Variants in MGAM2 observed in about 807,000 individuals in gnomAD.
MGAM2 encodes the protein probable maltase-glucoamylase 2.
In MGAM2, 98 loss-of-function variants were observed where a neutral mutation model predicts 96.1. The observed-to-expected ratio is 1.02, with a 90% CI of 0.87 to 1.21. The LOEUF is 1.21. MGAM2 is among the 50% of genes most tolerant of loss of function. MGAM2 has a pLI of 0.00. For missense variants in MGAM2, 2,055 were observed against 1,182.4 expected (o/e 1.74, Z -10.82); for synonymous variants, 749 against 414.8 (o/e 1.81, Z -9.79).
In MGAM2 at chr7:142,172,235, C is replaced by T. The variant is rs144010126; in HGVS notation, c.3448+41C>T. On this transcript the variant is annotated intron_variant, in intron 29 of 47. Coordinates refer to ENST00000477922, the MANE Select transcript of MGAM2 (RefSeq NM_001293626.2). ...AGCTCCCATGCACCACCAGAAACAG[C>T]TGTGACCGCTCTATTTTGACCTGGT... The T allele has an allele frequency of 2.5e-4, 170 of 684,754 alleles. 2 individuals are homozygous for T. The East Asian group carries it at 4.0e-3, about 16-fold the overall frequency. The allele number at this position is 684,754 out of a possible 1,614,324, so 42.4% of individuals were successfully genotyped here.
At chr7:142,199,284 G>A (rs1422891658) in intron 44 of MGAM2, among the ~76,000 whole-genome samples, 1 of 152,216 alleles carries the variant, frequency 6.6e-6, no homozygotes, top group Non-Finnish European at 1.5e-5. Flanking sequence ...CAAGTCAAAA[G>A]GAGAGAAGTT....
chr7:142,169,169 A>G (rs6972508), intron 26 of MGAM2, among the ~76,000 whole-genome samples: 84,865 of 151,998 alleles, frequency 0.56, 25,615 homozygotes, highest in African/African-American at 0.79. Flanking sequence ...GGTGGCTCAC[A>G]CCTGTAATCC....
In MGAM2 at chr7:142,148,461, C is replaced by T. The variant is rs1795456879; in HGVS notation, c.1634+888C>T. Among the ~76,000 whole-genome samples the T allele has an allele frequency of 6.6e-6, 1 of 152,218 alleles. No individual in the cohort carries two copies. ...ACCATCACCTTTACTGCTGTTGCCA[C>T]CACCACCCATTATGAAAGTCTACCA... is the stretch of plus-strand genomic sequence containing the variant. On this transcript the variant is annotated intron_variant, in intron 15 of 47. Coordinates refer to ENST00000477922, the MANE Select transcript of MGAM2 (RefSeq NM_001293626.2). The surrounding 1 kb of genome is among the most constrained non-coding windows in gnomAD (Gnocchi z 4.2).
intron 4 of MGAM2, 34 bp downstream of exon 4, chr7:142,131,105 A>T (rs1413802745): frequency 5.7e-6 from 4 of 696,906 alleles, no homozygotes; most frequent in Non-Finnish European, 7.9e-6. Context: ...CCTGGGAACA[A>T]CTCCTTATGG....
intron 17 of MGAM2, among the ~76,000 whole-genome samples, chr7:142,155,673 C>G (rs1795713365): frequency 6.6e-6 from 1 of 152,154 alleles, no homozygotes; most frequent in Non-Finnish European, 1.5e-5. Flanking sequence ...ATGTCTTAAG[C>G]AGGTGGCTGG....
Position 142,218,504 on chromosome 7 carries a change from A to T in MGAM2, c.5331A>T (p.Thr1777=). ...FTYDNRQFME[T]NFKSEPYNQI... Reference sequence around the variant, plus strand: ...ATGACAACCGGCAATTTATGGAGACAAATTTCAAGAGTGAACCTTATAATC... The same window carrying T: ...ATGACAACCGGCAATTTATGGAGACTAATTTCAAGAGTGAACCTTATAATC... The change falls in exon 47 of 48, where the codon ACA becomes ACT. Residue 1777 remains threonine (T), a synonymous_variant. Coordinates refer to ENST00000477922, the MANE Select transcript of MGAM2 (RefSeq NM_001293626.2). 1.4e-6 allele frequency: 1 copy of T among 700,734 alleles called. No homozygotes were observed. The highest frequency in any genetic ancestry group is 2.6e-6 in the Non-Finnish European group (1 of 384,106). The allele number at this position is 700,734 out of a possible 1,614,324, so 43.4% of individuals were successfully genotyped here.
intron 42 of MGAM2, 74 bp downstream of exon 42, chr7:142,197,802 C>G: frequency 1.4e-6 from 1 of 699,250 alleles, no homozygotes; most frequent in East Asian, 2.7e-5. Context: ...TTTTAAAGAT[C>G]ATCTTATTTT....
chr7:142,146,142 G>GTTTTTTTTTTTT (rs71166565), intron 14 of MGAM2, among the ~76,000 whole-genome samples: 15 of 108,962 alleles, frequency 1.4e-4, no homozygotes, highest in South Asian at 3.2e-4. Flanking sequence ...AGTTTATCAT[G>GTTTTTTTTTTTT]TTTTTTTTTT....
chr7:142,160,610 T>C (rs904288313), intron 21 of MGAM2, among the ~76,000 whole-genome samples: 1 of 151,614 alleles, frequency 6.6e-6, no homozygotes, highest in African/African-American at 2.4e-5. Context: ...GGTTATCACG[T>C]GGAAGCCAAC....
chr7:142,166,346 G>C, intron 25 of MGAM2, 93 bp downstream of exon 25: 1 of 582,180 alleles, frequency 1.7e-6, no homozygotes, highest in East Asian at 2.9e-5. Context: ...AAGAAAACCA[G>C]GACCCTGTGC....
At chr7:142,115,701 A>G (rs956818428) in intron 1 of MGAM2, among the ~76,000 whole-genome samples, 57 of 152,058 alleles carry the variant, frequency 3.7e-4, no homozygotes, top group African/African-American at 1.3e-3. Flanking sequence ...CAAAATTAGC[A>G]GGGCATGGTG....
At chr7:142,136,316 A>T (rs557251915) in intron 7 of MGAM2, among the ~76,000 whole-genome samples, 1 of 152,262 alleles carries the variant, frequency 6.6e-6, no homozygotes, top group East Asian at 1.9e-4. Context: ...AGTGTGTATG[A>T]TTATTTTACT....
chr7:142,209,791 G>C lies in MGAM2; in HGVS notation c.5187+1169G>C, dbSNP rs1797521418. On this transcript the variant is annotated intron_variant, in intron 46 of 47. Transcript: ENST00000477922. ...ATCAGAACCGAGAGCATATTTTAGA[G>C]CTGTCTATCCAGTATGATAGCCACT... Among the ~76,000 whole-genome samples the C allele has an allele frequency of 2.0e-5, 3 of 152,076 alleles. No individual in the cohort carries two copies. In the South Asian group the frequency reaches 6.2e-4, roughly 32 times the overall value.
intron 3 of MGAM2, among the ~76,000 whole-genome samples, chr7:142,122,546 TAA>T (rs1794609944): frequency 6.6e-6 from 1 of 152,370 alleles, no homozygotes; most frequent in South Asian, 2.1e-4. Context: ...CCTTAACAGG[TAA>T]TCACTGATAT....
intron 45 of MGAM2, among the ~76,000 whole-genome samples, chr7:142,205,124 C>T (rs1273224930): frequency 2.0e-5 from 3 of 152,058 alleles, no homozygotes; most frequent in Non-Finnish European, 2.9e-5. Flanking sequence ...ACTTTGGTAC[C>T]TCAGTGAGTC....
chr7:142,130,737 A>G (rs1794859769), intron 3 of MGAM2, among the ~76,000 whole-genome samples: 1 of 152,204 alleles, frequency 6.6e-6, no homozygotes, highest in African/African-American at 2.4e-5. Context: ...TGTCTTATTT[A>G]TCTGTATTAT....
intron 7 of MGAM2, among the ~76,000 whole-genome samples, chr7:142,135,153 C>T (rs754386519): frequency 6.6e-6 from 1 of 152,140 alleles, no homozygotes; most frequent in Non-Finnish European, 1.5e-5. Context: ...TTTTGCAATT[C>T]GTATTTGGCA....
intron 14 of MGAM2, among the ~76,000 whole-genome samples, chr7:142,146,254 T>C (rs577135362): frequency 1.3e-4 from 19 of 151,712 alleles, no homozygotes; most frequent in Middle Eastern, 3.2e-3. Context: ...CACTTTCTGC[T>C]TGCTTGTGGT....
At chr7:142,208,330 A>C (rs1797472031) in intron 45 of MGAM2, 1 of 622,978 alleles carries the variant, frequency 1.6e-6, no homozygotes, top group African/African-American at 1.8e-5. Flanking sequence ...TGTTCAACCC[A>C]GATTCTCTTG....
Sources: allele counts gnomAD v4.1 joint callset (sites outside exome capture counted in the v4.1 genomes callset), GRCh38; gene constraint gnomAD v4.1.1; non-coding constraint Gnocchi (gnomAD v3.1); transcripts MANE v1.5; gene names NCBI Gene and HGNC (gene_info 2026-07-23, HGNC 2026-07-21).